Variants in NCAM2 observed in about 807,000 individuals in gnomAD.
The protein encoded by NCAM2 is neural cell adhesion molecule 2, also known as N-CAM-2.
NCAM2 carries 30 observed loss-of-function variants against 98.1 expected under a neutral mutation model. The observed-to-expected ratio is 0.31, with a 90% CI of 0.23 to 0.41. The LOEUF is 0.41. NCAM2 is among the 10% of genes least tolerant of loss of function. NCAM2 has a pLI of 1.00. For synonymous variants in NCAM2, 368 were observed against 342.4 expected (o/e 1.07, Z -0.83); for missense variants, 867 against 1,005.8 (o/e 0.86, Z 1.87).
chr21:21,500,995 A>T (rs958659645), intron 15 of NCAM2, among the ~76,000 whole-genome samples: 5 of 152,004 alleles, frequency 3.3e-5, no homozygotes, highest in Admixed American at 6.6e-5. Flanking sequence ...ATTTAATTTT[A>T]AAAAAATTAT....
chr21:21,051,893 T>A lies in NCAM2; in HGVS notation c.55+53275T>A, dbSNP rs1185229898. Among the ~76,000 whole-genome samples, 3 of 152,226 alleles carry A rather than the reference T, an allele frequency of 2.0e-5. No individual in the cohort carries two copies. In the East Asian group the frequency reaches 5.8e-4, roughly 29 times the overall value. On this transcript the variant is annotated intron_variant, in intron 1 of 17. Transcript: ENST00000400546. Reference sequence around the variant, plus strand: ...AATAACAGTGGCACAGATAAGCGACTGCAAAAACCTTTTTCCACAGTTATT... The same window carrying A: ...AATAACAGTGGCACAGATAAGCGACAGCAAAAACCTTTTTCCACAGTTATT...
At chr21:21,454,465 G>A (rs750659918) in intron 12 of NCAM2, among the ~76,000 whole-genome samples, 93 of 151,956 alleles carry the variant, frequency 6.1e-4, no homozygotes, top group Non-Finnish European at 1.2e-3. Context: ...CCTAACTTAT[G>A]TATGGGTACA....
intron 1 of NCAM2, among the ~76,000 whole-genome samples, chr21:21,042,330 A>G (rs1296241707): frequency 6.6e-6 from 1 of 152,036 alleles, no homozygotes; most frequent in Non-Finnish European, 1.5e-5. Flanking sequence ...TATTACGGGC[A>G]TGCACCACCA....
intron 7 of NCAM2, among the ~76,000 whole-genome samples, chr21:21,337,995 G>GTA (rs1201342717): frequency 1.3e-5 from 2 of 152,014 alleles, no homozygotes; most frequent in African/African-American, 4.8e-5. Flanking sequence ...GTGTGTATGT[G>GTA]TATATATACA....
intron 12 of NCAM2, among the ~76,000 whole-genome samples, chr21:21,452,185 C>G (rs1191927632): frequency 8.5e-6 from 1 of 117,718 alleles, no homozygotes; most frequent in East Asian, 2.0e-4. Flanking sequence ...CACACACACA[C>G]ACACACACAC....
intron 1 of NCAM2, among the ~76,000 whole-genome samples, chr21:21,085,477 A>G (rs1375846237): frequency 6.6e-6 from 1 of 151,944 alleles, no homozygotes; most frequent in Admixed American, 6.6e-5. Flanking sequence ...TTGCTGTCTC[A>G]TGCTCGTTTT....
At chr21:21,131,963 T>C (rs2066945049) in intron 1 of NCAM2, among the ~76,000 whole-genome samples, 2 of 152,188 alleles carry the variant, frequency 1.3e-5, no homozygotes, top group South Asian at 4.1e-4. Flanking sequence ...ACCACACAAA[T>C]ATATTATTTT....
intron 11 of NCAM2, among the ~76,000 whole-genome samples, chr21:21,419,871 T>C (rs937240369): frequency 1.3e-5 from 2 of 152,070 alleles, no homozygotes; most frequent in Non-Finnish European, 2.9e-5. Flanking sequence ...TTTGGGTATA[T>C]ACCCAGTAAT....
chr21:21,296,347 T>A (rs2073478410), intron 5 of NCAM2, among the ~76,000 whole-genome samples: 1 of 151,828 alleles, frequency 6.6e-6, no homozygotes, highest in African/African-American at 2.4e-5. Context: ...GAAGGAAAAC[T>A]GTTATTTAGG....
chr21:21,488,051 A>G (rs1986537791), intron 15 of NCAM2, among the ~76,000 whole-genome samples: 1 of 152,154 alleles, frequency 6.6e-6, no homozygotes, highest in Non-Finnish European at 1.5e-5. Context: ...TAAAATATGT[A>G]AACATTTTAA....
chr21:21,459,948 C>T (rs1301510231), intron 12 of NCAM2, among the ~76,000 whole-genome samples: 1 of 151,740 alleles, frequency 6.6e-6, no homozygotes, highest in Non-Finnish European at 1.5e-5. Context: ...CAAATACAAA[C>T]ATATTAAAAA....
chr21:21,140,496 T>C (rs1454003825), intron 1 of NCAM2, among the ~76,000 whole-genome samples: 4 of 152,156 alleles, frequency 2.6e-5, no homozygotes, highest in Non-Finnish European at 4.4e-5. Flanking sequence ...ATCCTACCGA[T>C]GCTAACAAAT....
At position 21,323,243 on chromosome 21, in the gene NCAM2, C is replaced by G. The variant is rs868415718; in HGVS notation, c.620-1140C>G. Among the ~76,000 whole-genome samples, 5 of 152,078 alleles carry G rather than the reference C, an allele frequency of 3.3e-5. No individual in the cohort carries two copies. In the South Asian group the frequency reaches 1.0e-3, roughly 32 times the overall value. ...TTCAGAGTTAATATCTGAAAAAGTT[C>G]TATCTTTTGTAATACTAGTAATTAT... is the stretch of plus-strand genomic sequence containing the variant. On this transcript the variant is annotated intron_variant, in intron 5 of 17. Coordinates refer to ENST00000400546, the MANE Select transcript of NCAM2 (RefSeq NM_004540.5).
chr21:21,393,713 T>A (rs1233506698), intron 9 of NCAM2, among the ~76,000 whole-genome samples: 2 of 152,162 alleles, frequency 1.3e-5, no homozygotes, highest in African/African-American at 4.8e-5. Context: ...CTCAGAAGTT[T>A]TTATGAAAGA....
chr21:21,121,412 A>G (rs1480468103), intron 1 of NCAM2, among the ~76,000 whole-genome samples: 19 of 152,198 alleles, frequency 1.2e-4, no homozygotes, highest in Admixed American at 1.2e-3. Context: ...CTTGATATTT[A>G]CTATTTGATA....
Position 21,474,373 on chromosome 21 carries a change from G to T in NCAM2, c.1897-2918G>T, listed in dbSNP as rs200806207. On this transcript the variant is annotated intron_variant, in intron 14 of 17. Transcript: ENST00000400546. ...GGGCTTCAACAAATAAGAGCTAAAT[G>T]ATTGTTAATTTACAAGAGACTGCCT... Among the ~76,000 whole-genome samples, 6 of 152,018 alleles carry T rather than the reference G, an allele frequency of 3.9e-5. No homozygotes were observed. The East Asian group carries it at 9.7e-4, about 25-fold the overall frequency.
chr21:21,356,214 T>C (rs2075475218), intron 8 of NCAM2, among the ~76,000 whole-genome samples: 1 of 152,208 alleles, frequency 6.6e-6, no homozygotes, highest in African/African-American at 2.4e-5. Context: ...TCTCACCACG[T>C]AAATATTTCT....
At chr21:21,228,162 G>T (rs2070464669) in intron 1 of NCAM2, among the ~76,000 whole-genome samples, 1 of 151,540 alleles carries the variant, frequency 6.6e-6, no homozygotes, top group African/African-American at 2.4e-5. Context: ...AAACTAAATG[G>T]CCAATTATGG....
chr21:21,086,209 T>C (rs1013368745), intron 1 of NCAM2, among the ~76,000 whole-genome samples: 1 of 152,210 alleles, frequency 6.6e-6, no homozygotes, highest in Non-Finnish European at 1.5e-5. Flanking sequence ...ATGTGTCACC[T>C]AATATCACTG....
Sources: allele counts gnomAD v4.1 joint callset (sites outside exome capture counted in the v4.1 genomes callset), GRCh38; gene constraint gnomAD v4.1.1; transcripts MANE v1.5; gene names NCBI Gene and HGNC (gene_info 2026-07-23, HGNC 2026-07-21).